SLC39A10: variants seen among roughly 807,000 people sequenced by gnomAD.
SLC39A10 encodes solute carrier family 39 member 10.
Under a neutral mutation model 65.1 loss-of-function variants are expected in SLC39A10, and 13 were observed. The ratio of observed to expected loss-of-function variants is 0.20; its 90% CI spans 0.13 to 0.32. The LOEUF is 0.32. Ranked by LOEUF, SLC39A10 falls within the 10% of genes least tolerant of loss-of-function variation. The pLI is 1.00. For synonymous variants in SLC39A10, 321 were observed against 342.2 expected (o/e 0.94, Z 0.68); for missense variants, 831 against 1,018.4 (o/e 0.82, Z 2.50).
chr2:195,614,408 A>G lies in SLC39A10; in HGVS notation c.-12+8175A>G, dbSNP rs1393042291. 2.0e-5 allele frequency among the ~76,000 whole-genome samples: 3 copies of G among 152,136 alleles called. No individual in the cohort carries two copies. In the East Asian group the frequency reaches 5.8e-4, roughly 29 times the overall value. On this transcript the variant is annotated intron_variant, in intron 2 of 2. Transcript: ENST00000458054. ...ATGTAAGCTCTACTTTTGCATTCCGAGCCCTCCACACTTTTATGGATTCAT... is the reference window on the plus strand; with the variant it reads ...ATGTAAGCTCTACTTTTGCATTCCGGGCCCTCCACACTTTTATGGATTCAT...
chr2:195,716,434 T>G (rs542570555), intron 6 of SLC39A10, among the ~76,000 whole-genome samples: 31 of 152,296 alleles, frequency 2.0e-4, no homozygotes, highest in African/African-American at 6.7e-4. Flanking sequence ...GTATGTTTGT[T>G]TTGTTTTGTT....
chr2:195,711,485 C>T (rs373230067), intron 5 of SLC39A10, among the ~76,000 whole-genome samples: 31 of 152,238 alleles, frequency 2.0e-4, no homozygotes, highest in African/African-American at 6.7e-4. Context: ...GTAAGGAATT[C>T]TCAACTATAT....
intron 2 of SLC39A10, among the ~76,000 whole-genome samples, chr2:195,634,633 G>A (rs1297620608): frequency 6.6e-6 from 1 of 152,166 alleles, no homozygotes; most frequent in Non-Finnish European, 1.5e-5. Flanking sequence ...GAGTAAAGAT[G>A]CTTTCAACTG....
chr2:195,693,197 G>A (rs896734400), intron 3 of SLC39A10, among the ~76,000 whole-genome samples: 6 of 152,088 alleles, frequency 3.9e-5, no homozygotes, highest in African/African-American at 9.7e-5. Flanking sequence ...GTAGATTACC[G>A]TTTTGATATG....
At chr2:195,710,289 G>A (rs1691561449) in intron 5 of SLC39A10, among the ~76,000 whole-genome samples, 1 of 152,140 alleles carries the variant, frequency 6.6e-6, no homozygotes, top group South Asian at 2.1e-4. Context: ...ACATGTTTGT[G>A]ATACTAACAG....
chr2:195,728,374 G>A lies in SLC39A10; in HGVS notation c.2337+25G>A. On this transcript the variant is annotated intron_variant, in intron 9 of 9. Transcript: ENST00000359634. This position sits in a 1 kb window ranked among gnomAD's most constrained non-coding sequence, Gnocchi z 4.4. ...GGTAAGATATTTTATATTTTTTTGTGGTACTAAACCTGCAAATGAAAGAAA... is the reference window on the plus strand; with the variant it reads ...GGTAAGATATTTTATATTTTTTTGTAGTACTAAACCTGCAAATGAAAGAAA... 6.3e-7 allele frequency: 1 copy of A among 1,593,824 alleles called. No individual in the cohort carries two copies. The highest frequency in any genetic ancestry group is 8.6e-7 in the Non-Finnish European group (1 of 1,167,052).
chr2:195,677,092 A>G, intron 1 of SLC39A10, among the ~76,000 whole-genome samples: 1 of 152,204 alleles, frequency 6.6e-6, no homozygotes, highest in Non-Finnish European at 1.5e-5. Flanking sequence ...AAAACTTTGT[A>G]TTGAAATAGA....
At chr2:195,694,000 C>T (rs1266360029) in intron 3 of SLC39A10, among the ~76,000 whole-genome samples, 1 of 152,146 alleles carries the variant, frequency 6.6e-6, no homozygotes, top group East Asian at 1.9e-4. Context: ...TAGGTTGTGT[C>T]ACTATTATCG....
chr2:195,665,864 A>G (rs1336378517), intron 1 of SLC39A10, among the ~76,000 whole-genome samples: 2 of 152,140 alleles, frequency 1.3e-5, no homozygotes, highest in Non-Finnish European at 1.5e-5. Flanking sequence ...ACTTCTGTGC[A>G]TACCTTCCTA....
At chr2:195,693,139 G>C (rs1287325972) in intron 3 of SLC39A10, among the ~76,000 whole-genome samples, 1 of 152,096 alleles carries the variant, frequency 6.6e-6, no homozygotes, top group African/African-American at 2.4e-5. Context: ...TTGACTTGCA[G>C]ATGTTAAACC....
rs1281188017 is a variant in SLC39A10, at chr2:195,680,424, C to T, written c.382C>T (p.His128Tyr). ...GGGAAAGCATTTTCACTCACATAAC[C>T]ACCAGCATTCCCATAATCATTTAAA... ...QEGKHFHSHNHQHSHNHLNSE... is the reference protein window; with the variant it reads ...QEGKHFHSHNYQHSHNHLNSE... The change falls in exon 2 of 10, where the codon CAC (histidine) becomes TAC (tyrosine). Residue 128 changes from histidine to tyrosine, a missense_variant. His to Tyr is a moderately conservative substitution (Grantham distance 83, BLOSUM62 2). This residue lies in a region of SLC39A10 where 446 missense variants were observed against 499.2 expected (regional missense o/e 0.89). Coordinates refer to ENST00000359634, the MANE Select transcript of SLC39A10 (RefSeq NM_020342.3). The T allele has an allele frequency of 1.9e-6, 3 of 1,614,024 alleles. No homozygotes were observed. The highest frequency in any genetic ancestry group is 2.5e-6 in the Non-Finnish European group (3 of 1,180,010).
At position 195,645,136 on chromosome 2, in the gene SLC39A10, C is replaced by T. The variant is rs895930305; in HGVS notation, c.-11-34896C>T. Reference sequence around the variant, plus strand: ...GTTGGTCAGGCTGGTCTCGAACTTCCGACCTCAGGTGATCCGCCTGCCTCG... The same window carrying T: ...GTTGGTCAGGCTGGTCTCGAACTTCTGACCTCAGGTGATCCGCCTGCCTCG... On this transcript the variant is annotated intron_variant, in intron 2 of 2. Coordinates refer to the SLC39A10 transcript ENST00000458054. Among the ~76,000 whole-genome samples, 8 of 151,774 alleles carry T rather than the reference C, an allele frequency of 5.3e-5. No homozygotes were observed. The East Asian group carries it at 9.7e-4, about 18-fold the overall frequency.
chr2:195,704,526 C>G lies in SLC39A10; in HGVS notation c.1217-2090C>G, dbSNP rs550128121. Among the ~76,000 whole-genome samples the G allele has an allele frequency of 8.5e-5, 13 of 152,206 alleles. No individual in the cohort carries two copies. In the East Asian group the frequency reaches 2.5e-3, roughly 29 times the overall value. ...TAGCTGGCCAATAACTTTATTGGCTCTAAGACCTCGTGTCTAAAATTTATA... is the reference window on the plus strand; with the variant it reads ...TAGCTGGCCAATAACTTTATTGGCTGTAAGACCTCGTGTCTAAAATTTATA... On this transcript the variant is annotated intron_variant, in intron 3 of 9. Coordinates refer to ENST00000359634, the MANE Select transcript of SLC39A10 (RefSeq NM_020342.3).
chr2:195,614,978 G>A (rs914007823), intron 2 of SLC39A10, among the ~76,000 whole-genome samples: 2 of 152,116 alleles, frequency 1.3e-5, no homozygotes, highest in African/African-American at 2.4e-5. Context: ...CTGAGCCTGG[G>A]AGGTCAAAGC....
intron 2 of SLC39A10, among the ~76,000 whole-genome samples, chr2:195,645,031 G>A (rs867998942): frequency 6.6e-6 from 1 of 151,458 alleles, no homozygotes; most frequent in African/African-American, 2.4e-5. Flanking sequence ...TGCCTCAGCC[G>A]CCCTAGTAGC....
intron 3 of SLC39A10, among the ~76,000 whole-genome samples, chr2:195,688,285 G>C (rs1246268117): frequency 1.3e-5 from 2 of 152,106 alleles, no homozygotes; most frequent in Non-Finnish European, 2.9e-5. Context: ...AATTTGGTTA[G>C]AAATCAAAAC....
rs1002914536 is a variant in SLC39A10 at position 195,736,735 on chromosome 2, T to G, written c.*1694T>G. The G allele has an allele frequency of 6.6e-6, 1 of 152,514 alleles. No homozygotes were observed. The highest frequency in any genetic ancestry group is 1.9e-4 in the East Asian group (1 of 5,200). 9.4% of individuals were successfully genotyped at this position (152,514 alleles called of 1,614,324 possible). A position where few individuals can be genotyped will look rare whatever the true frequency, so the allele number is the denominator to read the frequency against. ...TCTGACTTACTCCATGGCCTCCTTA[T>G]AATAAGTAGAAGTTTTATATATAAT... On this transcript the variant is annotated 3_prime_UTR_variant, in exon 10 of 10. Transcript: ENST00000359634.
intron 1 of SLC39A10, among the ~76,000 whole-genome samples, chr2:195,660,353 T>C (rs563432402): frequency 6.6e-6 from 1 of 152,266 alleles, no homozygotes; most frequent in African/African-American, 2.4e-5. Flanking sequence ...TCAAAACAAC[T>C]AGTTTTTTCC....
chr2:195,706,312 A>C (rs998749335), intron 3 of SLC39A10, among the ~76,000 whole-genome samples: 2 of 150,280 alleles, frequency 1.3e-5, no homozygotes, highest in Admixed American at 1.3e-4. Flanking sequence ...GGAAATTTTT[A>C]TTTATAGTTT....
Sources: allele counts gnomAD v4.1 joint callset (sites outside exome capture counted in the v4.1 genomes callset), GRCh38; gene constraint gnomAD v4.1.1; regional missense constraint gnomAD v4.1.1; non-coding constraint Gnocchi (gnomAD v3.1); transcripts MANE v1.5; gene names NCBI Gene and HGNC (gene_info 2026-07-23, HGNC 2026-07-21).